LRIG1: variants seen among roughly 807,000 people sequenced by gnomAD.
LRIG1 encodes the protein leucine-rich repeats and immunoglobulin-like domains protein 1.
In LRIG1, 48 loss-of-function variants were observed where a neutral mutation model predicts 99.2. The ratio of observed to expected loss-of-function variants is 0.48; its 90% CI spans 0.38 to 0.62. LRIG1 has a LOEUF of 0.62. Ranked by LOEUF, LRIG1 falls within the 20% of genes least tolerant of loss-of-function variation. The pLI is 0.00. For synonymous variants in LRIG1, 772 were observed against 596.1 expected, an observed-to-expected ratio of 1.29 and a Z score of -4.30; for missense variants, 1,646 against 1,434.4, an observed-to-expected ratio of 1.15 and a Z score of -2.38.
chr3:66,395,676 G>T (rs984983286), intron 11 of LRIG1, among the ~76,000 whole-genome samples: 1 of 152,216 alleles, frequency 6.6e-6, no homozygotes, highest in Non-Finnish European at 1.5e-5. Flanking sequence ...GTCCTACTGT[G>T]GAGTCACTGC....
At chr3:66,472,120 C>A (rs916034742) in intron 1 of LRIG1, among the ~76,000 whole-genome samples, 4 of 151,950 alleles carry the variant, frequency 2.6e-5, no homozygotes, top group South Asian at 4.2e-4. Flanking sequence ...CTGGCTAACA[C>A]GATGAAATCC....
At chr3:66,492,105 A>G (rs1001259798) in intron 1 of LRIG1, among the ~76,000 whole-genome samples, 9 of 152,208 alleles carry the variant, frequency 5.9e-5, no homozygotes, top group African/African-American at 2.2e-4. Flanking sequence ...CTTGTTATCC[A>G]GCCCAAAGTG....
intron 9 of LRIG1, among the ~76,000 whole-genome samples, chr3:66,399,892 CA>C (rs1286446343): frequency 3.3e-5 from 5 of 152,244 alleles, no homozygotes; most frequent in Admixed American, 3.3e-4. Flanking sequence ...GCTGGCTCCA[CA>C]GCTGTCTGCA....
chr3:66,409,878 G>A (rs1013414336), intron 7 of LRIG1: 1 of 407,318 alleles, frequency 2.5e-6, no homozygotes, highest in African/African-American at 2.0e-5. Context: ...GCTCCCTGCA[G>A]GGACCTAGCT....
At chr3:66,497,923 A>T (rs1287393431) in intron 1 of LRIG1, among the ~76,000 whole-genome samples, 1 of 152,154 alleles carries the variant, frequency 6.6e-6, no homozygotes, top group African/African-American at 2.4e-5. Context: ...TTTCTCCCCT[A>T]AAGTCTTGCT....
At position 66,384,671 on chromosome 3, in the gene LRIG1, G is replaced by C. The variant is rs982479401; in HGVS notation, c.1790-399C>G. On this transcript the variant is annotated intron_variant, in intron 13 of 18. Coordinates refer to ENST00000273261, the MANE Select transcript of LRIG1 (RefSeq NM_015541.3). ...GGGAAGGTGGGCATGCCTCCACCTT[G>C]GGAGAGCAATGGGATGGCTCATCCG... 3.9e-5 allele frequency among the ~76,000 whole-genome samples: 6 copies of C among 152,206 alleles called. 1 individual carries two copies. Among genetic ancestry groups the C allele is most frequent in the East Asian group, 1.9e-4 (1 of 5,172 alleles).
intron 5 of LRIG1, among the ~76,000 whole-genome samples, chr3:66,414,367 A>AG (rs1225735806): frequency 9.2e-5 from 14 of 152,128 alleles, no homozygotes; most frequent in South Asian, 4.1e-4. Flanking sequence ...ACTGCACCCC[A>AG]CCTGGGGGAC....
At chr3:66,403,456 G>T (rs1017245593) in intron 9 of LRIG1, among the ~76,000 whole-genome samples, 9 of 152,156 alleles carry the variant, frequency 5.9e-5, no homozygotes, top group Non-Finnish European at 1.3e-4. Context: ...TGGGTGGGGT[G>T]AGGCTTCGAT....
intron 2 of LRIG1, among the ~76,000 whole-genome samples, chr3:66,461,617 G>C (rs1700356173): frequency 6.6e-6 from 1 of 152,110 alleles, no homozygotes; most frequent in African/African-American, 2.4e-5. Flanking sequence ...TGTTCACAAT[G>C]GGTATGCCTG....
intron 3 of LRIG1, among the ~76,000 whole-genome samples, chr3:66,438,468 G>A (rs1703434757): frequency 6.6e-6 from 1 of 152,152 alleles, no homozygotes. Context: ...CTCCTTACAG[G>A]TGAGGGAACA....
rs1303684458 is a variant in LRIG1 at position 66,380,509 on chromosome 3, C to T, written c.3056-20G>A. On this transcript the variant is annotated intron_variant, in intron 18 of 18. Transcript: ENST00000273261. ...AATCCCCTACAAGGAAAGAACGAAC[C>T]TGTCAGACCCCCACTTGACCGTTTA... is the stretch of plus-strand genomic sequence containing the variant. The T allele has an allele frequency of 1.2e-6, 2 of 1,614,018 alleles. No individual in the cohort carries two copies. Among genetic ancestry groups the T allele is most frequent in the Middle Eastern group, 1.6e-4 (1 of 6,062 alleles).
chr3:66,381,285 A>G (rs182276049), intron 17 of LRIG1, among the ~76,000 whole-genome samples, 194 bp downstream of exon 17: 3 of 152,300 alleles, frequency 2.0e-5, no homozygotes, highest in Non-Finnish European at 2.9e-5. Flanking sequence ...CAGGCTTACC[A>G]TGGCGTAGAT....
intron 1 of LRIG1, among the ~76,000 whole-genome samples, chr3:66,493,709 C>T (rs938045146): frequency 6.6e-6 from 1 of 152,008 alleles, no homozygotes; most frequent in Non-Finnish European, 1.5e-5. Flanking sequence ...GATGGGAGGA[C>T]TGCTTGAGCC....
chr3:66,450,363 A>C (rs1265829718), intron 3 of LRIG1, among the ~76,000 whole-genome samples: 1 of 151,094 alleles, frequency 6.6e-6, no homozygotes, highest in Non-Finnish European at 1.5e-5. Context: ...TATACATTCC[A>C]CTCCCCCGGG....
chr3:66,419,727 G>T (rs79626516), intron 3 of LRIG1, among the ~76,000 whole-genome samples: 4,899 of 152,034 alleles, frequency 0.032, 250 homozygotes, highest in African/African-American at 0.11. Context: ...GAGACCCTCT[G>T]ATTAGGTCCT....
intron 3 of LRIG1, among the ~76,000 whole-genome samples, chr3:66,427,083 T>A (rs542570018): frequency 6.6e-6 from 1 of 151,960 alleles, no homozygotes; most frequent in Non-Finnish European, 1.5e-5. Context: ...GGAAAAAAAA[T>A]CTAACACCCC....
intron 2 of LRIG1, among the ~76,000 whole-genome samples, chr3:66,460,022 CA>C (rs1700320493): frequency 6.6e-6 from 1 of 151,774 alleles, no homozygotes; most frequent in African/African-American, 2.4e-5. Context: ...AATATTGTAT[CA>C]AAATACCCTT....
intron 6 of LRIG1, among the ~76,000 whole-genome samples, chr3:66,410,697 C>T (rs1702436064): frequency 6.6e-6 from 1 of 152,136 alleles, no homozygotes; most frequent in Non-Finnish European, 1.5e-5. Context: ...AAAAAGTGAC[C>T]CAGGCCAACA....
intron 10 of LRIG1, among the ~76,000 whole-genome samples, chr3:66,398,719 G>C (rs549591366): frequency 3.2e-4 from 49 of 152,358 alleles, no homozygotes; most frequent in Middle Eastern, 3.4e-3. Flanking sequence ...CAGCAGGAGG[G>C]GGGAGGGTAT....
Sources: gnomAD v4.1 joint callset for allele counts (sites outside exome capture counted in the v4.1 genomes callset) on GRCh38, gnomAD v4.1.1 for gene constraint, MANE v1.5 for transcripts, NCBI Gene and HGNC (gene_info 2026-07-23, HGNC 2026-07-21) for gene names.